Variants in CARNMT1 observed in about 807,000 individuals in gnomAD.
The protein encoded by CARNMT1 is carnosine N-methyltransferase 1.
In CARNMT1, 28 loss-of-function variants were observed where a neutral mutation model predicts 49.6. The ratio of observed to expected loss-of-function variants is 0.56; its 90% confidence interval spans 0.42 to 0.77. CARNMT1 has a LOEUF of 0.77. CARNMT1 is among the 30% of genes least tolerant of loss of function. CARNMT1 has a pLI of 0.00. For missense variants in CARNMT1, 421 were observed against 512.6 expected (o/e 0.82, Z 1.73); for synonymous variants, 178 against 175.0 (o/e 1.02, Z -0.13).
At chr9:75,019,184 G>A (rs940846248) in intron 1 of CARNMT1, among the ~76,000 whole-genome samples, 2 of 152,118 alleles carry the variant, frequency 1.3e-5, no homozygotes, top group African/African-American at 2.4e-5. Context: ...TCTTCACTAA[G>A]AGGCCTGGGG....
intron 3 of CARNMT1, among the ~76,000 whole-genome samples, chr9:75,010,624 A>G (rs1243293382): frequency 6.6e-6 from 1 of 152,200 alleles, no homozygotes; most frequent in Non-Finnish European, 1.5e-5. Context: ...CAGAAGAGAA[A>G]GAAGTAGAGG....
chr9:74,996,191 C>A (rs929001737), intron 6 of CARNMT1: 2 of 272,088 alleles, frequency 7.4e-6, no homozygotes, highest in African/African-American at 4.5e-5. Context: ...TACCTACCAT[C>A]AGATCAACAA....
At chr9:75,004,938 G>C (rs1052301191) in intron 3 of CARNMT1, among the ~76,000 whole-genome samples, 1 of 152,100 alleles carries the variant, frequency 6.6e-6, no homozygotes, top group East Asian at 1.9e-4. Flanking sequence ...CAAAAAATGT[G>C]ATTTTACATG....
intron 1 of CARNMT1, among the ~76,000 whole-genome samples, chr9:75,018,223 G>C (rs534778388): frequency 7.9e-5 from 12 of 151,860 alleles, no homozygotes; most frequent in Non-Finnish European, 1.5e-4. Context: ...CACCACACTT[G>C]GCTAATATTT....
intron 6 of CARNMT1, among the ~76,000 whole-genome samples, chr9:74,992,279 A>G (rs1833048526): frequency 6.6e-6 from 1 of 152,230 alleles, no homozygotes; most frequent in South Asian, 2.1e-4. Flanking sequence ...CTAAAAAAAA[A>G]AAAGAAAAAA....
At position 74,996,569 on chromosome 9, in the gene CARNMT1, G is replaced by GA. The variant is rs762099592; in HGVS notation, c.911-10dup. The GA allele has an allele frequency of 4.4e-5, 65 of 1,483,608 alleles. No homozygotes were observed. In the Admixed American group the frequency reaches 1.4e-3, roughly 32 times the overall value. 91.9% of individuals were successfully genotyped at this position (1,483,608 alleles called of 1,614,324 possible). A position where few individuals can be genotyped will look rare whatever the true frequency, so the allele number is the denominator to read the frequency against. On this transcript the variant is annotated splice_polypyrimidine_tract_variant and intron_variant, in intron 5 of 7. Coordinates refer to ENST00000376834, the MANE Select transcript of CARNMT1 (RefSeq NM_152420.3). ...AATACAGTCCCAGGTATCTAATGAA[G>GA]AAAAATCAAATTACTGCATCTGTTA...
chr9:74,994,314 T>C (rs989365831), intron 6 of CARNMT1, among the ~76,000 whole-genome samples: 4 of 152,242 alleles, frequency 2.6e-5, no homozygotes, highest in African/African-American at 9.6e-5. Flanking sequence ...ATTGTTATGG[T>C]AGCCTGAGTG....
rs1245562600 is a variant in CARNMT1 at position 75,028,159 on chromosome 9, A to T, written c.83T>A (p.Val28Glu). The change falls in exon 1 of 8, where the codon GTG becomes GAG. Residue 28 changes from valine (V) to glutamate (E), a missense_variant. By Grantham distance (121) the Val-to-Glu change is moderately radical (BLOSUM62 -2). Transcript: ENST00000376834. ...CGGGGGGSEE[V>E]EVQFSAGRWG... ...ACGCCCGGCGGAAAACTGCACTTCC[A>T]CCTCCTCGCTGCCACCGCCTCCTCC... 2 of 1,531,314 alleles carry T rather than the reference A, an allele frequency of 1.3e-6. No individual in the cohort carries two copies. The highest frequency in any genetic ancestry group is 4.0e-5 in the Admixed American group (2 of 49,932). The allele number at this position is 1,531,314 out of a possible 1,614,324, so 94.9% of individuals were successfully genotyped here.
At position 74,989,925 on chromosome 9, in the gene CARNMT1, G is replaced by A. The variant is rs545001508; in HGVS notation, c.1025-4915C>T. Among the ~76,000 whole-genome samples, 8 of 152,184 alleles carry A rather than the reference G, an allele frequency of 5.3e-5. No individual in the cohort carries two copies. The South Asian group carries it at 8.3e-4, about 16-fold the overall frequency. On this transcript the variant is annotated intron_variant, in intron 6 of 7. Coordinates refer to ENST00000376834, the MANE Select transcript of CARNMT1 (RefSeq NM_152420.3). ...CAGTATTTTCAAATAAAAGACTATC[G>A]GTCAGAAGAAACTATCCAGAGTGCA...
chr9:74,998,839 A>G lies in CARNMT1; in HGVS notation c.732-63T>C. ...TATTTTACCAAGAAAATCCACTTTAAATACTAAAAATATACTGTTTAATTG... is the reference window on the plus strand; with the variant it reads ...TATTTTACCAAGAAAATCCACTTTAGATACTAAAAATATACTGTTTAATTG... On this transcript the variant is annotated intron_variant, in intron 4 of 7. Coordinates refer to ENST00000376834, the MANE Select transcript of CARNMT1 (RefSeq NM_152420.3). The G allele has an allele frequency of 5.3e-6, 5 of 943,204 alleles. No individual in the cohort carries two copies. In the South Asian group the frequency reaches 1.2e-4, roughly 22 times the overall value. 58.4% of individuals were successfully genotyped at this position (943,204 alleles called of 1,614,324 possible). A position where few individuals can be genotyped will look rare whatever the true frequency, so the allele number is the denominator to read the frequency against.
intron 1 of CARNMT1, among the ~76,000 whole-genome samples, chr9:75,017,704 G>C (rs776288357): frequency 7.9e-5 from 12 of 152,248 alleles, no homozygotes; most frequent in Non-Finnish European, 1.6e-4. Context: ...CCAATTAGAA[G>C]AGGAAAAAGA....
rs1418911027 is a variant in CARNMT1, at chr9:74,983,614, A to C, written c.*153T>G. ...TTCTGAAAAAGCAATAGACATATTA[A>C]GAAAATAGACACTATTTCTAAATTT... On this transcript the variant is annotated 3_prime_UTR_variant, in exon 8 of 8. Transcript: ENST00000376834. The C allele has an allele frequency of 2.0e-6, 1 of 498,690 alleles. No individual in the cohort carries two copies. The highest frequency in any genetic ancestry group is 1.9e-5 in the African/African-American group (1 of 51,612). The allele number at this position is 498,690 out of a possible 1,614,324, so 30.9% of individuals were successfully genotyped here.
intron 5 of CARNMT1, 147 bp downstream of exon 5, chr9:74,998,451 G>A (rs1009781724): frequency 1.4e-5 from 8 of 579,590 alleles, no homozygotes; most frequent in African/African-American, 5.7e-5. Context: ...CCTTGTACAC[G>A]ACCTTGAAAA....
At chr9:75,020,094 TG>T (rs1379245777) in intron 1 of CARNMT1, among the ~76,000 whole-genome samples, 1 of 152,134 alleles carries the variant, frequency 6.6e-6, no homozygotes, top group Non-Finnish European at 1.5e-5. Flanking sequence ...ATTCTGAGGG[TG>T]AAAGAGACAG....
At chr9:75,027,968 G>T (rs2118890019) in intron 1 of CARNMT1, 44 bp downstream of exon 1, 1 of 1,513,114 alleles carries the variant, frequency 6.6e-7, no homozygotes, top group Non-Finnish European at 8.8e-7. Flanking sequence ...GCCACCAGTG[G>T]GCGCCCCGAC....
chr9:75,023,790 T>C (rs1822445938), intron 1 of CARNMT1, among the ~76,000 whole-genome samples: 1 of 152,242 alleles, frequency 6.6e-6, no homozygotes, highest in Non-Finnish European at 1.5e-5. Context: ...GCTCCTTCCA[T>C]TCAAGGGCAG....
chr9:74,996,556 G>A lies in CARNMT1; in HGVS notation c.915C>T (p.Thr305=). The A allele has an allele frequency of 2.6e-6, 4 of 1,545,794 alleles. No homozygotes were observed. Among genetic ancestry groups the A allele is most frequent in the Non-Finnish European group, 3.5e-6 (4 of 1,140,998 alleles). The change falls in exon 6 of 8, where the codon ACC becomes ACT. Residue 305 remains threonine (T), a synonymous_variant. Transcript: ENST00000376834. Reference sequence around the variant, plus strand: ...AGAAACAGGTAGCAATACAGTCCCAGGTATCTAATGAAGAAAAATCAAATT... The same window carrying A: ...AGAAACAGGTAGCAATACAGTCCCAAGTATCTAATGAAGAAAAATCAAATT... The part of the protein sequence containing the change: ...DFQEIYSECN[T]WDCIATCFFI...
At chr9:74,989,424 T>G (rs1383116257) in intron 6 of CARNMT1, among the ~76,000 whole-genome samples, 1 of 152,228 alleles carries the variant, frequency 6.6e-6, no homozygotes. Flanking sequence ...TTTTTTATTA[T>G]TAAAATAACT....
At chr9:74,986,837 T>C (rs1832857528) in intron 6 of CARNMT1, among the ~76,000 whole-genome samples, 1 of 152,154 alleles carries the variant, frequency 6.6e-6, no homozygotes, top group South Asian at 2.1e-4. Context: ...CAGTGAAAAT[T>C]TTTCAGGCAA....
Sources: allele counts gnomAD v4.1 joint callset (sites outside exome capture counted in the v4.1 genomes callset), GRCh38; gene constraint gnomAD v4.1.1; transcripts MANE v1.5; gene names NCBI Gene and HGNC (gene_info 2026-07-23, HGNC 2026-07-21).